The following EP300 variants were observed in gnomAD, a reference collection of about 807,000 sequenced individuals.
EP300 encodes the protein histone acetyltransferase p300.
In EP300, 31 loss-of-function variants were observed where a neutral mutation model predicts 264.0. That is an observed-to-expected ratio of 0.12 (90% CI 0.09 to 0.16). EP300 has a LOEUF of 0.16. EP300 is among the 10% of genes least tolerant of loss of function. The pLI is 1.00. For synonymous variants in EP300, 1,340 were observed against 1,045.4 expected (o/e 1.28, Z -5.44); for missense variants, 2,766 against 3,052.9 (o/e 0.91, Z 2.21).
At chr22:41,144,773 TC>T (rs942147159) in intron 10 of EP300, among the ~76,000 whole-genome samples, 45 of 152,204 alleles carry the variant, frequency 3.0e-4, no homozygotes, top group African/African-American at 1.1e-3. Context: ...CGTATCTGCA[TC>T]ATATGGGGCA....
rs771860597 is a variant in EP300 at position 41,178,732 on chromosome 22, T to G, written c.7021T>G (p.Ser2341Ala). 1.2e-6 allele frequency: 2 copies of G among 1,613,870 alleles called. No homozygotes were observed. Among genetic ancestry groups the G allele is most frequent in the African/African-American group, 1.3e-5 (1 of 74,834 alleles). ...GCCTCAGCCTTCTCCACACCACGTTTCCCCACAGACAAGTTCCCCACATCC... is the reference window on the plus strand; with the variant it reads ...GCCTCAGCCTTCTCCACACCACGTTGCCCCACAGACAAGTTCCCCACATCC... Reference protein sequence around the residue: ...MQPQPSPHHVSPQTSSPHPGL... With the variant: ...MQPQPSPHHVAPQTSSPHPGL... Residue 2341 changes from serine to alanine, a missense_variant, in exon 31 of 31, where the codon TCC (serine) becomes GCC (alanine). Physicochemically the swap from Ser to Ala is moderately conservative, Grantham distance 99. Coordinates refer to ENST00000263253, the MANE Select transcript of EP300 (RefSeq NM_001429.4).
At chr22:41,122,179 T>TC (rs1330878126) in intron 2 of EP300, among the ~76,000 whole-genome samples, 2 of 145,970 alleles carry the variant, frequency 1.4e-5, no homozygotes, top group Middle Eastern at 3.4e-3. Flanking sequence ...TTTTTTTTTT[T>TC]TTGGAGACAG....
intron 4 of EP300, among the ~76,000 whole-genome samples, chr22:41,129,087 C>T (rs1315935870): frequency 6.6e-6 from 1 of 151,916 alleles, no homozygotes; most frequent in Non-Finnish European, 1.5e-5. Context: ...CTCAGCTCAC[C>T]GCAAGCTCCG....
chr22:41,113,842 G>A (rs527474712), intron 1 of EP300, among the ~76,000 whole-genome samples: 2 of 152,232 alleles, frequency 1.3e-5, no homozygotes, highest in East Asian at 1.9e-4. Context: ...CACTGCGCCC[G>A]GCCTTTTTAA....
chr22:41,112,239 G>C (rs1475416805), intron 1 of EP300, among the ~76,000 whole-genome samples: 1 of 150,810 alleles, frequency 6.6e-6, no homozygotes, highest in Non-Finnish European at 1.5e-5. Flanking sequence ...ACCCAGCCTG[G>C]AGTGCAGTGG....
chr22:41,137,851 T>A (rs1427324276), intron 8 of EP300, 61 bp downstream of exon 8: 22 of 1,610,610 alleles, frequency 1.4e-5, no homozygotes, highest in Non-Finnish European at 1.8e-5. Context: ...ATGTTTTCAA[T>A]CTCCTGGGCA....
At chr22:41,138,855 A>G (rs1480379087) in intron 8 of EP300, among the ~76,000 whole-genome samples, 1 of 152,074 alleles carries the variant, frequency 6.6e-6, no homozygotes, top group Non-Finnish European at 1.5e-5. Context: ...TTTTTATGTT[A>G]TGTCAAACTA....
chr22:41,142,095 G>C (rs919949627), intron 10 of EP300, among the ~76,000 whole-genome samples: 3 of 152,196 alleles, frequency 2.0e-5, no homozygotes, highest in Non-Finnish European at 4.4e-5. Flanking sequence ...CTCAATCGTT[G>C]ACTTATTGGT....
rs2145766914 is a variant in EP300 at position 41,170,561 on chromosome 22, A to C, written c.4442A>C (p.His1481Pro). The change falls in exon 27 of 31, where the codon CAT (histidine) becomes CCT (proline). Residue 1481 changes from histidine (H) to proline (P), a missense_variant. Transcript: ENST00000263253. ...LDKAVSERIV[H>P]DYKDIFKQAT... ...AAGGCTGTATCAGAGCGTATTGTCC[A>C]TGACTACAAGGTCAGTTGGGACATA... 1 of 1,613,352 alleles carries C rather than the reference A, an allele frequency of 6.2e-7. No individual in the cohort carries two copies. The highest frequency in any genetic ancestry group is 8.5e-7 in the Non-Finnish European group (1 of 1,179,660).
At chr22:41,164,638 C>G (rs1026841630) in intron 22 of EP300, among the ~76,000 whole-genome samples, 1 of 152,172 alleles carries the variant, frequency 6.6e-6, no homozygotes, top group Non-Finnish European at 1.5e-5. Flanking sequence ...TCACTTGAAC[C>G]TGTGAGGGGG....
chr22:41,169,356 G>C, intron 25 of EP300, 147 bp from the exon 26 acceptor site: 2 of 672,242 alleles, frequency 3.0e-6, no homozygotes, highest in Non-Finnish European at 2.7e-6. Flanking sequence ...CGGCGGAGTC[G>C]CCTACCTGCC....
In EP300 at chr22:41,123,354, A is replaced by G. The variant is rs528948667; in HGVS notation, c.730-2510A>G. On this transcript the variant is annotated intron_variant, in intron 2 of 30. Transcript: ENST00000263253. ...CAGACTTTAAGAAATCAGTACAGGA[A>G]ATATATAAGATACCATAGATAGGTA... Among the ~76,000 whole-genome samples the G allele has an allele frequency of 7.2e-5, 11 of 152,312 alleles. 1 individual carries two copies. Among genetic ancestry groups the G allele is most frequent in the African/African-American group, 2.6e-4 (11 of 41,560 alleles).
Position 41,135,538 on chromosome 22 carries a change from G to C in EP300, c.1529-275G>C, listed in dbSNP as rs145729593. On this transcript the variant is annotated intron_variant, in intron 6 of 30. Coordinates refer to ENST00000263253, the MANE Select transcript of EP300 (RefSeq NM_001429.4). ...CTCCTGAAGTGCTGAGATTACAGGC[G>C]TGAGCCTCTGCGCCTGGTCACATTT... is the stretch of plus-strand genomic sequence containing the variant. Among the ~76,000 whole-genome samples, 396 of 151,158 alleles carry C rather than the reference G, an allele frequency of 2.6e-3. 1 individual carries two copies. Among genetic ancestry groups the C allele is most frequent in the African/African-American group, 9.3e-3 (383 of 41,284 alleles).
intron 1 of EP300, among the ~76,000 whole-genome samples, chr22:41,106,948 C>T (rs926748288): frequency 5.3e-5 from 8 of 152,024 alleles, no homozygotes; most frequent in African/African-American, 1.9e-4. Flanking sequence ...GCACTGTCAC[C>T]CAGGCTGGAG....
chr22:41,135,117 G>A (rs1174895706), intron 6 of EP300, among the ~76,000 whole-genome samples: 1 of 152,106 alleles, frequency 6.6e-6, no homozygotes, highest in Non-Finnish European at 1.5e-5. Flanking sequence ...GGCCAGGCTG[G>A]TCTTGAACTG....
At chr22:41,095,951 C>T (rs1288580621) in intron 1 of EP300, among the ~76,000 whole-genome samples, 1 of 152,070 alleles carries the variant, frequency 6.6e-6, no homozygotes, top group Admixed American at 6.6e-5. Flanking sequence ...CAGATATTCT[C>T]CTAAAAAATT....
At chr22:41,098,412 C>T (rs1169981819) in intron 1 of EP300, among the ~76,000 whole-genome samples, 1 of 152,214 alleles carries the variant, frequency 6.6e-6, no homozygotes, top group Non-Finnish European at 1.5e-5. Flanking sequence ...CGCTCTGTCG[C>T]CCAGGCTGGA....
rs954211358 is a variant in EP300, at chr22:41,113,162, C to CCCCG, written c.95-4022_95-4021insGCCC. On this transcript the variant is annotated intron_variant, in intron 1 of 30. Coordinates refer to ENST00000263253, the MANE Select transcript of EP300 (RefSeq NM_001429.4). ...CTTGTTTGAATCAGGATTCCACCCC[C>CCCCG]CCCCCAACTTATGCTATGGATTTGT... 2.1e-5 allele frequency among the ~76,000 whole-genome samples: 3 copies of CCCCG among 139,874 alleles called. 1 individual carries two copies. The highest frequency in any genetic ancestry group is 5.3e-5 in the African/African-American group (2 of 37,928). The allele number at this position is 139,874 out of a possible 152,430, so 91.8% of individuals were successfully genotyped here. A position where few individuals can be genotyped will look rare whatever the true frequency, so the allele number is the denominator to read the frequency against.
At chr22:41,132,010 A>G (rs890375960) in intron 6 of EP300, among the ~76,000 whole-genome samples, 10 of 152,050 alleles carry the variant, frequency 6.6e-5, no homozygotes, top group African/African-American at 2.4e-4. Context: ...AGCCTGACCA[A>G]CATAGTGAAA....
Sources: gnomAD v4.1 joint callset for allele counts (sites outside exome capture counted in the v4.1 genomes callset) on GRCh38, gnomAD v4.1.1 for gene constraint, MANE v1.5 for transcripts, NCBI Gene and HGNC (gene_info 2026-07-23, HGNC 2026-07-21) for gene names.